Variants in DCAF4 observed in about 807,000 individuals in gnomAD.
DCAF4 encodes DDB1- and CUL4-associated factor 4.
In DCAF4, 37 loss-of-function variants were observed where a neutral mutation model predicts 60.9. The observed-to-expected ratio is 0.61, with a 90% CI of 0.47 to 0.80. DCAF4 has a LOEUF of 0.80. Ranked by LOEUF, DCAF4 falls within the 30% of genes least tolerant of loss-of-function variation. The pLI, the probability that DCAF4 is intolerant of heterozygous loss-of-function variation, is 0.00. For missense variants in DCAF4, 577 were observed against 650.0 expected, an observed-to-expected ratio of 0.89 and a Z score of 1.22; for synonymous variants, 243 against 254.8, an observed-to-expected ratio of 0.95 and a Z score of 0.44.
In DCAF4 at chr14:72,955,556, GA is replaced by G. The variant is rs1567329020; in HGVS notation, c.1042del (p.Ile348SerfsTer26). On this transcript the variant is annotated frameshift_variant, in exon 12 of 14. Transcript: ENST00000358377. LOFTEE classifies it high-confidence loss of function. ...GCTGTTTAATGGCTGCCGCTCTGGG[GA>G]AATCTTTGCCATTGATCTGCGTTGT... is the stretch of plus-strand genomic sequence containing the variant. ...PLLFNGCRSG[E>X]IFAIDLRCGN... 3.1e-6 allele frequency: 5 copies of G among 1,614,166 alleles called. No individual in the cohort carries two copies.
intron 9 of DCAF4, among the ~76,000 whole-genome samples, chr14:72,952,432 C>T (rs1268194514): frequency 2.6e-5 from 4 of 152,158 alleles, no homozygotes; most frequent in Non-Finnish European, 5.9e-5. Flanking sequence ...AGTCCACATC[C>T]GTGGAGAATT....
chr14:72,943,486 G>GCAGC (rs1411862753), intron 6 of DCAF4, among the ~76,000 whole-genome samples: 1 of 152,162 alleles, frequency 6.6e-6, no homozygotes, highest in Non-Finnish European at 1.5e-5. Flanking sequence ...GGCTAAACCT[G>GCAGC]CAGCCCAGTG....
At chr14:72,929,804 G>T in intron 1 of DCAF4, 1 of 1,141,872 alleles carries the variant, frequency 8.8e-7, no homozygotes, top group Non-Finnish European at 1.3e-6. Context: ...CCCGGATCAT[G>T]TCCCGCTACA....
rs1594754091 is a variant in DCAF4 at position 72,939,903 on chromosome 14, G to A, written c.193+1G>A. ...ACAGCTGGGACCTCCTCTGTGCCAG[G>A]TAAGGCCACTTGCGGGGTGGGAATC... On this transcript the variant is annotated splice_donor_variant, in intron 3 of 13. Coordinates refer to ENST00000358377, the MANE Select transcript of DCAF4 (RefSeq NM_015604.4). LOFTEE classifies it high-confidence loss of function. 6.2e-7 allele frequency: 1 copy of A among 1,602,942 alleles called. No individual in the cohort carries two copies. The highest frequency in any genetic ancestry group is 2.3e-5 in the East Asian group (1 of 44,216).
intron 1 of DCAF4, chr14:72,929,991 G>T: frequency 1.5e-6 from 1 of 665,992 alleles, no homozygotes. Flanking sequence ...AATTAGCCTG[G>T]TGTTGTGGCT....
chr14:72,937,413 T>TTC (rs1555523421), intron 1 of DCAF4, among the ~76,000 whole-genome samples: 17 of 142,278 alleles, frequency 1.2e-4, no homozygotes, highest in Non-Finnish European at 2.3e-4. Flanking sequence ...TTCTTTTCTT[T>TTC]TTTTTTTTTT....
In DCAF4 at chr14:72,953,780, ATT is replaced by A. The variant is rs1491542259; in HGVS notation, c.809-382_809-381del. Among the ~76,000 whole-genome samples the A allele has an allele frequency of 4.6e-3, 62 of 13,362 alleles. 4 individuals are homozygous for A. Among genetic ancestry groups the A allele is most frequent in the African/African-American group, 0.012 (60 of 5,036 alleles). The allele number at this position is 13,362 out of a possible 152,430, so 8.8% of individuals were successfully genotyped here. ...ATATATATAGTTTATTTATTTATTT[ATT>A]TGTGTGTGTGTGTGTGTGTGTGTGT... On this transcript the variant is annotated intron_variant, in intron 9 of 13. Transcript: ENST00000358377.
At chr14:72,951,468 G>T (rs544600594) in intron 8 of DCAF4, among the ~76,000 whole-genome samples, 1 of 152,110 alleles carries the variant, frequency 6.6e-6, no homozygotes, top group East Asian at 1.9e-4. Context: ...AAAATTACCC[G>T]GGCGTGGTGG....
chr14:72,933,701 A>G (rs907955073), intron 1 of DCAF4, among the ~76,000 whole-genome samples: 2 of 152,006 alleles, frequency 1.3e-5, no homozygotes, highest in African/African-American at 2.4e-5. Flanking sequence ...TCAGACCCGT[A>G]TTTCCCATTG....
intron 9 of DCAF4, among the ~76,000 whole-genome samples, chr14:72,953,782 T>TGTGTGTGTG (rs1891878980): frequency 4.9e-5 from 2 of 41,124 alleles, no homozygotes; most frequent in African/African-American, 1.9e-4. Flanking sequence ...ATTTATTTAT[T>TGTGTGTGTG]TGTGTGTGTG....
chr14:72,959,259 C>T lies in DCAF4; in HGVS notation c.*454C>T, dbSNP rs966258804. On this transcript the variant is annotated 3_prime_UTR_variant, in exon 14 of 14. Coordinates refer to ENST00000358377, the MANE Select transcript of DCAF4 (RefSeq NM_015604.4). ...CTGCATCTGTACTTGGGGAAGCCAG[C>T]GGAGAGGACGGGGAGGTTACTTCTC... is the stretch of plus-strand genomic sequence containing the variant. The T allele has an allele frequency of 1.2e-5, 12 of 987,000 alleles. No homozygotes were observed. The highest frequency in any genetic ancestry group is 5.2e-4 in the Middle Eastern group (1 of 1,936). The allele number at this position is 987,000 out of a possible 1,614,324, so 61.1% of individuals were successfully genotyped here.
chr14:72,930,246 C>CT (rs57515626), intron 1 of DCAF4, among the ~76,000 whole-genome samples: 48,402 of 147,236 alleles, frequency 0.33, 8,376 homozygotes, highest in Non-Finnish European at 0.39. Context: ...GTAGCTTTTT[C>CT]TTTTTTTTTT....
chr14:72,953,763 AGTT>A lies in DCAF4; in HGVS notation c.809-400_809-398del, dbSNP rs1238551103. ...TATATATATATATATATATATATAT[AGTT>A]TATTTATTTATTTATTTGTGTGTGT... is the stretch of plus-strand genomic sequence containing the variant. On this transcript the variant is annotated intron_variant, in intron 9 of 13. Transcript: ENST00000358377. Among the ~76,000 whole-genome samples the A allele has an allele frequency of 6.0e-4, 23 of 38,114 alleles. 3 individuals carry two copies. The highest frequency in any genetic ancestry group is 9.5e-4 in the African/African-American group (10 of 10,556). 25.0% of individuals were successfully genotyped at this position (38,114 alleles called of 152,430 possible).
intron 8 of DCAF4, among the ~76,000 whole-genome samples, chr14:72,951,193 C>A (rs567957052): frequency 1.8e-3 from 279 of 152,220 alleles, no homozygotes; most frequent in Middle Eastern, 3.4e-3. Flanking sequence ...GTTTCCCAGG[C>A]TGGTCTCGAA....
At chr14:72,956,559 C>G in intron 13 of DCAF4, 59 bp downstream of exon 13, 2 of 1,505,582 alleles carry the variant, frequency 1.3e-6, no homozygotes, top group Non-Finnish European at 9.1e-7. Flanking sequence ...CAGGGGCGAT[C>G]CCAGCAACTT....
At chr14:72,959,937 G>A (rs1452994762), downstream of DCAF4, among the ~76,000 whole-genome samples, 1 of 152,136 alleles carries the variant, frequency 6.6e-6, no homozygotes, top group African/African-American at 2.4e-5. Context: ...CTTCTGGTTG[G>A]GCTGTGGGTG....
rs774624332 is a variant in DCAF4 at position 72,955,540 on chromosome 14, T to C, written c.1023T>C (p.Asn341=). 6.2e-7 allele frequency: 1 copy of C among 1,613,994 alleles called. No individual in the cohort carries two copies. The highest frequency in any genetic ancestry group is 1.6e-4 in the Middle Eastern group (1 of 6,062). ...TTCCACAGGCTCCTCTGCTGTTTAA[T>C]GGCTGCCGCTCTGGGGAAATCTTTG... ...QFALMAPLLF[N]GCRSGEIFAI... The change falls in exon 12 of 14, where the codon AAT becomes AAC. Residue 341 remains asparagine, a synonymous_variant. Transcript: ENST00000358377.
intron 1 of DCAF4, among the ~76,000 whole-genome samples, chr14:72,933,581 A>G (rs887395487): frequency 6.6e-6 from 1 of 151,656 alleles, no homozygotes; most frequent in Non-Finnish European, 1.5e-5. Flanking sequence ...AAAAGTCTCT[A>G]ATTCTCACTG....
At chr14:72,929,923 AG>A in intron 1 of DCAF4, 4 of 1,178,088 alleles carry the variant, frequency 3.4e-6, no homozygotes, top group Non-Finnish European at 4.9e-6. Flanking sequence ...AAGGTAGCGC[AG>A]AGCCATGGCT....
Sources: allele counts gnomAD v4.1 joint callset (sites outside exome capture counted in the v4.1 genomes callset), GRCh38; gene constraint gnomAD v4.1.1; transcripts MANE v1.5; gene names NCBI Gene and HGNC (gene_info 2026-07-23, HGNC 2026-07-21).